RABGEF1: variants seen among roughly 807,000 people sequenced by gnomAD.
RABGEF1 encodes RAB guanine nucleotide exchange factor 1.
In RABGEF1, 26 loss-of-function variants were observed where a neutral mutation model predicts 57.3. The ratio of observed to expected loss-of-function variants is 0.45; its 90% CI spans 0.33 to 0.63. The LOEUF (loss-of-function observed/expected upper bound fraction) is 0.63. Among genes scored for constraint, RABGEF1 ranks in the 20% least tolerant of loss-of-function variants. The pLI is 0.02. For missense variants in RABGEF1, 464 were observed against 607.6 expected (o/e 0.76, Z 2.48); for synonymous variants, 185 against 210.7 (o/e 0.88, Z 1.06).
chr7:66,742,201 G>T (rs554567370), intron 1 of RABGEF1, among the ~76,000 whole-genome samples: 1 of 151,920 alleles, frequency 6.6e-6, no homozygotes, highest in African/African-American at 2.4e-5. Context: ...CAAGAAACTT[G>T]CCAGAGATGC....
At chr7:66,675,464 A>T in the RABGEF1 span, among the ~76,000 whole-genome samples, 1 of 151,864 alleles carries the variant, frequency 6.6e-6, no homozygotes, top group Non-Finnish European at 1.5e-5. Context: ...AACCCCAAAA[A>T]ACTCCCCACA....
the RABGEF1 span, among the ~76,000 whole-genome samples, chr7:66,663,185 A>G: frequency 1.3e-5 from 2 of 152,250 alleles, no homozygotes; most frequent in South Asian, 2.1e-4. Context: ...TTCGTTTCCC[A>G]TAAGGGATAC....
chr7:66,791,585 A>C (rs1397237821), intron 4 of RABGEF1, among the ~76,000 whole-genome samples: 1 of 152,230 alleles, frequency 6.6e-6, no homozygotes, highest in Non-Finnish European at 1.5e-5. Flanking sequence ...AGAATGTGGC[A>C]ATTCACATTG....
chr7:66,685,820 C>CT (rs1790536050), intron 1 of RABGEF1, among the ~76,000 whole-genome samples: 1 of 152,192 alleles, frequency 6.6e-6, no homozygotes, highest in South Asian at 2.1e-4. Flanking sequence ...TCAGTCTTGA[C>CT]TGTGTGAGTT....
At chr7:66,723,711 G>A (rs1271805071) in intron 2 of RABGEF1, among the ~76,000 whole-genome samples, 1 of 148,898 alleles carries the variant, frequency 6.7e-6, no homozygotes, top group Non-Finnish European at 1.5e-5. Flanking sequence ...CTCCTGAGTA[G>A]CTGGGATTAC....
At position 66,701,065 on chromosome 7, in the gene RABGEF1, G is replaced by A. The variant is rs1261885506; in HGVS notation, c.-872-11102G>A. Among the ~76,000 whole-genome samples the A allele has an allele frequency of 2.0e-5, 3 of 149,590 alleles. 1 individual carries two copies. Among genetic ancestry groups the A allele is most frequent in the Admixed American group, 1.4e-4 (2 of 14,740 alleles). On this transcript the variant is annotated intron_variant and NMD_transcript_variant, in intron 1 of 9. Coordinates refer to the RABGEF1 transcript ENST00000607882. Reference sequence around the variant, plus strand: ...TGAATGAGGAAGAGGCTAGATAGAGGCCTGGCAGTGGGGCAGGGGTGGGGA... The same window carrying A: ...TGAATGAGGAAGAGGCTAGATAGAGACCTGGCAGTGGGGCAGGGGTGGGGA...
chr7:66,808,787 C>A, intron 8 of RABGEF1, 99 bp from the exon 9 acceptor site: 1 of 1,249,966 alleles, frequency 8.0e-7, no homozygotes, highest in South Asian at 1.6e-5. Flanking sequence ...TTTACTTTAG[C>A]TTCTGTTTTA....
At chr7:66,797,969 T>C (rs1786390373) in intron 6 of RABGEF1, among the ~76,000 whole-genome samples, 1 of 151,986 alleles carries the variant, frequency 6.6e-6, no homozygotes, top group Non-Finnish European at 1.5e-5. Flanking sequence ...ATACAAAAAT[T>C]AGCCAGGCAT....
intron 1 of RABGEF1, among the ~76,000 whole-genome samples, chr7:66,759,877 A>G (rs939658674): frequency 2.0e-5 from 3 of 152,222 alleles, no homozygotes; most frequent in Non-Finnish European, 2.9e-5. Flanking sequence ...ACCATATCAC[A>G]TAGGCATATA....
intron 7 of RABGEF1, among the ~76,000 whole-genome samples, chr7:66,803,021 T>C (rs1195988599): frequency 4.6e-5 from 7 of 152,164 alleles, no homozygotes; most frequent in Non-Finnish European, 8.8e-5. Flanking sequence ...TTAAAAAATC[T>C]TACCCAATCT....
chr7:66,798,176 T>G (rs1199831672), intron 6 of RABGEF1, among the ~76,000 whole-genome samples: 1 of 152,194 alleles, frequency 6.6e-6, no homozygotes, highest in Non-Finnish European at 1.5e-5. Context: ...GTGTGCATTT[T>G]TCAGCATTCC....
intron 2 of RABGEF1, among the ~76,000 whole-genome samples, chr7:66,714,375 TATC>T (rs1307331022): frequency 6.6e-6 from 1 of 152,246 alleles, no homozygotes; most frequent in African/African-American, 2.4e-5. Context: ...ATCCCCTTAT[TATC>T]CTTCTAACAT....
intron 4 of RABGEF1, among the ~76,000 whole-genome samples, chr7:66,787,336 AT>A (rs973607816): frequency 0.12 from 10,264 of 88,070 alleles, 457 homozygotes; most frequent in East Asian, 0.17. Context: ...GCCTGGCCTG[AT>A]TTTTTTTTTT....
chr7:66,790,843 A>G (rs1812481265), intron 4 of RABGEF1, among the ~76,000 whole-genome samples: 1 of 152,216 alleles, frequency 6.6e-6, no homozygotes, highest in African/African-American at 2.4e-5. Flanking sequence ...AAAAAGGCCA[A>G]TAGGACACTA....
intron 1 of RABGEF1, among the ~76,000 whole-genome samples, chr7:66,761,530 T>G (rs1804352451): frequency 6.6e-6 from 1 of 152,228 alleles, no homozygotes; most frequent in South Asian, 2.1e-4. Context: ...GTGCACACCC[T>G]CCAGGAACCT....
chr7:66,794,786 G>A (rs1813618870), intron 4 of RABGEF1, among the ~76,000 whole-genome samples: 1 of 152,168 alleles, frequency 6.6e-6, no homozygotes, highest in South Asian at 2.1e-4. Flanking sequence ...TATACCTACA[G>A]TGCACAACAG....
intron 3 of RABGEF1, among the ~76,000 whole-genome samples, chr7:66,778,721 A>T (rs1809147096): frequency 1.3e-5 from 2 of 152,192 alleles, no homozygotes; most frequent in African/African-American, 2.4e-5. Flanking sequence ...TAGGGAAAAA[A>T]GGGCCCCTTC....
upstream of RABGEF1, chr7:66,739,741 G>A (rs1421483040): frequency 2.0e-5 from 3 of 151,604 alleles, no homozygotes; most frequent in Non-Finnish European, 4.4e-5. Context: ...TAGCAAAGCT[G>A]GGATTTTAAC....
intron 1 of RABGEF1, among the ~76,000 whole-genome samples, chr7:66,688,042 G>C (rs1294604696): frequency 7.5e-6 from 1 of 133,390 alleles, no homozygotes; most frequent in Non-Finnish European, 1.5e-5. Flanking sequence ...CTGAGATCGT[G>C]TTATTGCACT....
Sources: gnomAD v4.1 joint callset for allele counts (sites outside exome capture counted in the v4.1 genomes callset) on GRCh38, gnomAD v4.1.1 for gene constraint, MANE v1.5 for transcripts, NCBI Gene and HGNC (gene_info 2026-07-23, HGNC 2026-07-21) for gene names.